Variants in DPY19L2 observed in about 807,000 individuals in gnomAD.
DPY19L2 encodes dpy-19 like 2.
In DPY19L2, 34 loss-of-function variants were observed where a neutral mutation model predicts 97.9. The observed-to-expected ratio is 0.35, with a 90% CI of 0.26 to 0.46. The LOEUF (loss-of-function observed/expected upper bound fraction) is 0.46. DPY19L2 is among the 20% of genes least tolerant of loss of function. The pLI, the probability that DPY19L2 is intolerant of heterozygous loss-of-function variation, is 1.00. For missense variants in DPY19L2, 623 were observed against 911.4 expected (o/e 0.68, Z 4.07); for synonymous variants, 230 against 307.9 (o/e 0.75, Z 2.65).
intron 16 of DPY19L2, among the ~76,000 whole-genome samples, chr12:63,590,589 A>G (rs1457310956): frequency 6.6e-6 from 1 of 152,182 alleles, no homozygotes; most frequent in Non-Finnish European, 1.5e-5. Flanking sequence ...AATGAAGATC[A>G]AGGAAGAGGC....
chr12:63,601,729 A>T (rs918599978), intron 12 of DPY19L2, among the ~76,000 whole-genome samples: 2 of 152,160 alleles, frequency 1.3e-5, no homozygotes, highest in Non-Finnish European at 2.9e-5. Context: ...CCTAAGAGTG[A>T]GTAGGAACAA....
chr12:63,590,836 C>G (rs1882772203), intron 16 of DPY19L2, among the ~76,000 whole-genome samples: 1 of 151,976 alleles, frequency 6.6e-6, no homozygotes, highest in Non-Finnish European at 1.5e-5. Context: ...TGAGATTTAA[C>G]CCGGAACCCT....
In DPY19L2 at chr12:63,668,347, C is replaced by T; in HGVS notation, c.47G>A (p.Arg16His). The change falls in exon 1 of 22, where the codon CGC (arginine) becomes CAC (histidine). Residue 16 changes from arginine to histidine, a missense_variant. By Grantham distance (29) the Arg-to-His change is conservative. Coordinates refer to ENST00000324472, the MANE Select transcript of DPY19L2 (RefSeq NM_173812.5). ...VSSKRLQSSGRSQSKGRRGAS... is the reference protein window; with the variant it reads ...VSSKRLQSSGHSQSKGRRGAS... Reference sequence around the variant, plus strand: ...CCCGCGCCGCCCCTTAGACTGGCTGCGGCCGGAAGATTGCAGCCGCTTTGA... The same window carrying T: ...CCCGCGCCGCCCCTTAGACTGGCTGTGGCCGGAAGATTGCAGCCGCTTTGA... 1 of 1,613,382 alleles carries T rather than the reference C, an allele frequency of 6.2e-7. No homozygotes were observed. Among genetic ancestry groups the T allele is most frequent in the Non-Finnish European group, 8.5e-7 (1 of 1,179,818 alleles).
At chr12:63,668,663 G>A (rs1023586606), upstream of DPY19L2, 9 of 466,684 alleles carry the variant, frequency 1.9e-5, no homozygotes, top group African/African-American at 3.9e-5. Flanking sequence ...TGCAGCTTCC[G>A]GTGAGGGCAG....
upstream of DPY19L2, chr12:63,668,660 T>G: frequency 2.1e-6 from 1 of 471,216 alleles, no homozygotes; most frequent in South Asian, 2.5e-5. Flanking sequence ...GCGTGCAGCT[T>G]CCGGTGAGGG....
At chr12:63,656,807 C>T (rs1426285589) in intron 4 of DPY19L2, among the ~76,000 whole-genome samples, 1 of 152,056 alleles carries the variant, frequency 6.6e-6, no homozygotes, top group African/African-American at 2.4e-5. Flanking sequence ...TTCTGCTGTG[C>T]TGTCTGCTGA....
At chr12:63,653,190 C>A (rs1397774573) in intron 4 of DPY19L2, among the ~76,000 whole-genome samples, 1 of 152,086 alleles carries the variant, frequency 6.6e-6, no homozygotes, top group Non-Finnish European at 1.5e-5. Flanking sequence ...GGAACTTTAA[C>A]AAAGGATCCT....
rs1474477423 is a variant in DPY19L2 at position 63,606,677 on chromosome 12, A to G, written c.1278+1939T>C. 4.6e-5 allele frequency among the ~76,000 whole-genome samples: 7 copies of G among 152,180 alleles called. No homozygotes were observed. In the East Asian group the frequency reaches 1.4e-3, roughly 29 times the overall value. ...GTAAGGAATGTTTTTAATCTAGGTG[A>G]AATTTTGAATCTATGCTCACAAGTA... On this transcript the variant is annotated intron_variant, in intron 12 of 21. Coordinates refer to ENST00000324472, the MANE Select transcript of DPY19L2 (RefSeq NM_173812.5).
chr12:63,586,047 A>G (rs948563489), intron 16 of DPY19L2, among the ~76,000 whole-genome samples: 4 of 152,190 alleles, frequency 2.6e-5, no homozygotes, highest in African/African-American at 4.8e-5. Context: ...GATAAAAGCA[A>G]TAACAGAAAT....
chr12:63,646,449 AT>A (rs1195080703), intron 5 of DPY19L2, among the ~76,000 whole-genome samples: 2 of 152,146 alleles, frequency 1.3e-5, no homozygotes, highest in Non-Finnish European at 2.9e-5. Flanking sequence ...TCAGTAAAAA[AT>A]GTAAGGAAAA....
intron 21 of DPY19L2, among the ~76,000 whole-genome samples, chr12:63,565,623 A>G (rs576664515): frequency 8.5e-5 from 13 of 152,258 alleles, no homozygotes; most frequent in African/African-American, 3.1e-4. Context: ...GAATTAGGAC[A>G]TGGCCATCGT....
At chr12:63,599,121 C>A in intron 13 of DPY19L2, among the ~76,000 whole-genome samples, 1 of 149,940 alleles carries the variant, frequency 6.7e-6, no homozygotes, top group Non-Finnish European at 1.5e-5. Context: ...TGCTGTGACC[C>A]GAAATTGGCC....
intron 21 of DPY19L2, among the ~76,000 whole-genome samples, chr12:63,563,510 T>C (rs1877043169): frequency 1.3e-5 from 2 of 152,354 alleles, no homozygotes; most frequent in Admixed American, 1.3e-4. Flanking sequence ...GAGACTATGA[T>C]GCGCGATGAT....
chr12:63,599,190 A>C lies in DPY19L2; in HGVS notation c.1359+1116T>G, dbSNP rs575022897. 2.1e-3 allele frequency among the ~76,000 whole-genome samples: 326 copies of C among 152,142 alleles called. 4 individuals are homozygous for C. Among genetic ancestry groups the C allele is most frequent in the Admixed American group, 7.6e-3 (116 of 15,284 alleles). ...GTGTTTCAAAAAACAAAAAAAAAAA[A>C]AAAAAAAGATTTAGATTTGTAAAGA... On this transcript the variant is annotated intron_variant, in intron 13 of 21. Coordinates refer to ENST00000324472, the MANE Select transcript of DPY19L2 (RefSeq NM_173812.5).
chr12:63,575,946 G>A (rs141632012), intron 19 of DPY19L2, among the ~76,000 whole-genome samples: 1 of 151,814 alleles, frequency 6.6e-6, no homozygotes, highest in African/African-American at 2.4e-5. Context: ...CATTGTATGA[G>A]ACCAATATCA....
chr12:63,645,441 A>G (rs1056541273), intron 5 of DPY19L2, among the ~76,000 whole-genome samples: 7 of 152,070 alleles, frequency 4.6e-5, no homozygotes, highest in East Asian at 3.9e-4. Flanking sequence ...CACAGCTCCA[A>G]TGATCTATAT....
At chr12:63,608,351 T>C (rs182421094) in intron 12 of DPY19L2, among the ~76,000 whole-genome samples, 102 of 152,250 alleles carry the variant, frequency 6.7e-4, no homozygotes, top group African/African-American at 2.3e-3. Flanking sequence ...CAAGGCTGTA[T>C]GGATATAGCA....
At chr12:63,575,637 T>C (rs1271243155) in intron 19 of DPY19L2, among the ~76,000 whole-genome samples, 1 of 151,634 alleles carries the variant, frequency 6.6e-6, no homozygotes, top group African/African-American at 2.4e-5. Flanking sequence ...ATTGCAGAAA[T>C]TAAAGGATCA....
intron 4 of DPY19L2, among the ~76,000 whole-genome samples, chr12:63,659,094 T>C (rs1043434215): frequency 6.6e-6 from 1 of 152,100 alleles, no homozygotes; most frequent in South Asian, 2.1e-4. Context: ...TTAGGGTATA[T>C]CTACTGGAAA....
Sources: allele counts gnomAD v4.1 joint callset (sites outside exome capture counted in the v4.1 genomes callset), GRCh38; gene constraint gnomAD v4.1.1; transcripts MANE v1.5; gene names NCBI Gene and HGNC (gene_info 2026-07-23, HGNC 2026-07-21).